The following ROBO1 variants were observed in gnomAD, a reference collection of about 807,000 sequenced individuals.
ROBO1 encodes roundabout homolog 1.
In ROBO1, 149 loss-of-function variants were observed where a neutral mutation model predicts 195.9. That is an observed-to-expected ratio of 0.76 (90% CI 0.67 to 0.87). The LOEUF (loss-of-function observed/expected upper bound fraction) is 0.87. Among genes scored for constraint, ROBO1 ranks in the 40% least tolerant of loss-of-function variants. The probability of loss-of-function intolerance (pLI) is 0.00; values close to 1 mark genes in which losing one functional copy is unlikely to be tolerated. For synonymous variants in ROBO1, 816 were observed against 733.2 expected (o/e 1.11, Z -1.82); for missense variants, 1,933 against 2,068.3 (o/e 0.93, Z 1.27).
chr3:79,533,139 T>G, intron 2 of ROBO1: 1 of 429,516 alleles, frequency 2.3e-6, no homozygotes, highest in Non-Finnish European at 4.6e-6. Context: ...AGGGCACTTT[T>G]ATAATATGGA....
intron 3 of ROBO1, among the ~76,000 whole-genome samples, chr3:79,096,960 C>T (rs887873488): frequency 2.0e-5 from 3 of 151,452 alleles, no homozygotes; most frequent in African/African-American, 7.3e-5. Context: ...TGCTTACTTC[C>T]CTTATTTCTT....
intron 3 of ROBO1, among the ~76,000 whole-genome samples, chr3:79,016,185 G>C (rs2077927906): frequency 6.6e-6 from 1 of 152,190 alleles, no homozygotes; most frequent in African/African-American, 2.4e-5. Context: ...CAAATCGATA[G>C]TGTTGCTTTA....
chr3:79,535,073 TTA>T (rs1047417831), intron 2 of ROBO1, among the ~76,000 whole-genome samples: 6 of 28,186 alleles, frequency 2.1e-4, no homozygotes, highest in Non-Finnish European at 5.4e-4. Context: ...CCCAAATGCC[TTA>T]TTTTTTTTTA....
intron 8 of ROBO1, among the ~76,000 whole-genome samples, chr3:78,697,356 T>C (rs1033686361): frequency 6.6e-6 from 1 of 152,162 alleles, no homozygotes; most frequent in Non-Finnish European, 1.5e-5. Flanking sequence ...AGAAAGATGA[T>C]AAATGTTTGG....
chr3:78,963,090 GATATAT>G (rs71127370), intron 3 of ROBO1, among the ~76,000 whole-genome samples: 1 of 145,666 alleles, frequency 6.9e-6, no homozygotes, highest in Non-Finnish European at 1.5e-5. Flanking sequence ...TCTCATACTT[GATATAT>G]ATATATATAT....
At chr3:79,210,413 G>T (rs2081948439) in intron 2 of ROBO1, among the ~76,000 whole-genome samples, 1 of 152,086 alleles carries the variant, frequency 6.6e-6, no homozygotes, top group South Asian at 2.1e-4. Flanking sequence ...GATTAAAGTG[G>T]GGAAAGGACA....
chr3:79,049,090 C>A (rs1240485895), intron 3 of ROBO1, among the ~76,000 whole-genome samples: 2 of 152,204 alleles, frequency 1.3e-5, no homozygotes, highest in Middle Eastern at 3.4e-3. Flanking sequence ...TCGGTAATAA[C>A]AAACTTCTCT....
At chr3:79,367,570 TCAGA>T (rs1304047065) in intron 2 of ROBO1, among the ~76,000 whole-genome samples, 5 of 152,226 alleles carry the variant, frequency 3.3e-5, no homozygotes, top group African/African-American at 1.2e-4. Context: ...AAAATGTGTT[TCAGA>T]CAGTCATTCA....
At chr3:79,732,401 T>A (rs2107361894) in intron 1 of ROBO1, among the ~76,000 whole-genome samples, 1 of 152,224 alleles carries the variant, frequency 6.6e-6, no homozygotes, top group Non-Finnish European at 1.5e-5. Context: ...AATTGTTATT[T>A]TATGATAAGG....
At chr3:79,315,933 G>A (rs1177600877) in intron 2 of ROBO1, among the ~76,000 whole-genome samples, 1 of 152,154 alleles carries the variant, frequency 6.6e-6, no homozygotes, top group African/African-American at 2.4e-5. Flanking sequence ...AAGGAAGTCC[G>A]AGATAGAGTT....
At chr3:78,754,034 A>T in intron 4 of ROBO1, among the ~76,000 whole-genome samples, 1 of 152,238 alleles carries the variant, frequency 6.6e-6, no homozygotes, top group East Asian at 1.9e-4. Context: ...ATCACAACAC[A>T]GATTCTTTCA....
At chr3:78,654,167 T>G (rs1357257720) in intron 18 of ROBO1, among the ~76,000 whole-genome samples, 1 of 152,158 alleles carries the variant, frequency 6.6e-6, no homozygotes. Context: ...ATAAGAAAAC[T>G]GGAAGGAAAA....
At chr3:79,702,494 G>A (rs896271644) in intron 1 of ROBO1, among the ~76,000 whole-genome samples, 5 of 151,980 alleles carry the variant, frequency 3.3e-5, no homozygotes, top group Admixed American at 1.3e-4. Flanking sequence ...GATCCCCTCA[G>A]TTCACAACAG....
chr3:78,869,240 A>T (rs536926944), intron 4 of ROBO1, among the ~76,000 whole-genome samples: 36 of 152,322 alleles, frequency 2.4e-4, no homozygotes, highest in African/African-American at 8.4e-4. Context: ...TAACTGATCA[A>T]CTTACCCAGT....
chr3:79,278,511 GT>G lies in ROBO1; in HGVS notation c.89-152973del, dbSNP rs545177660. Among the ~76,000 whole-genome samples, 28 of 152,298 alleles carry G rather than the reference GT, an allele frequency of 1.8e-4. No individual in the cohort carries two copies. The East Asian group carries it at 4.1e-3, about 22-fold the overall frequency. On this transcript the variant is annotated intron_variant, in intron 2 of 30. Transcript: ENST00000464233. The stretch of plus-strand genomic sequence containing the variant: ...ACAGAGATACAGACCAATGGAACCG[GT>G]TAGAGAACTCAGAAATTAATCTAAA...
At chr3:79,490,338 G>A (rs950685378) in intron 2 of ROBO1, among the ~76,000 whole-genome samples, 2 of 152,080 alleles carry the variant, frequency 1.3e-5, no homozygotes, top group Admixed American at 1.3e-4. Context: ...GTGCTGTACT[G>A]GAAATCCACT....
chr3:79,501,161 T>C (rs1445132917), intron 2 of ROBO1, among the ~76,000 whole-genome samples: 1 of 152,206 alleles, frequency 6.6e-6, no homozygotes, highest in Non-Finnish European at 1.5e-5. Context: ...CATTTGTTTA[T>C]CTATTGACTA....
At chr3:79,357,626 G>C (rs749145196) in intron 2 of ROBO1, among the ~76,000 whole-genome samples, 1 of 152,100 alleles carries the variant, frequency 6.6e-6, no homozygotes, top group Non-Finnish European at 1.5e-5. Context: ...AACTGAACTG[G>C]ATCTACCACA....
intron 7 of ROBO1, among the ~76,000 whole-genome samples, chr3:78,716,379 G>A (rs1214676205): frequency 6.6e-6 from 1 of 151,858 alleles, no homozygotes; most frequent in African/African-American, 2.4e-5. Flanking sequence ...AGGGCGACAG[G>A]AGAGAGAATG....
Sources: allele counts gnomAD v4.1 joint callset (sites outside exome capture counted in the v4.1 genomes callset), GRCh38; gene constraint gnomAD v4.1.1; transcripts MANE v1.5; gene names NCBI Gene and HGNC (gene_info 2026-07-23, HGNC 2026-07-21).